Variants in GRM1 observed in about 807,000 individuals in gnomAD.
The protein encoded by GRM1 is metabotropic glutamate receptor 1.
GRM1 carries 33 observed loss-of-function variants against 90.9 expected under a neutral mutation model. The ratio of observed to expected loss-of-function variants is 0.36; its 90% CI spans 0.28 to 0.49. The LOEUF (loss-of-function observed/expected upper bound fraction) is 0.49, where lower values mean the gene tolerates loss of function less well. Ranked by LOEUF, GRM1 falls within the 20% of genes least tolerant of loss-of-function variation. GRM1 has a pLI of 0.99. For synonymous variants in GRM1, 700 were observed against 613.2 expected (o/e 1.14, Z -2.09); for missense variants, 1,190 against 1,534.3 (o/e 0.78, Z 3.75).
intron 7 of GRM1, among the ~76,000 whole-genome samples, chr6:146,432,721 GT>G (rs1778459433): frequency 6.6e-6 from 1 of 152,208 alleles, no homozygotes; most frequent in East Asian, 1.9e-4. Flanking sequence ...TTCCACCGTT[GT>G]TATTAGTAGA....
chr6:146,112,122 G>C (rs370251052), intron 1 of GRM1, among the ~76,000 whole-genome samples: 1 of 152,140 alleles, frequency 6.6e-6, no homozygotes, highest in East Asian at 1.9e-4. Context: ...TAAGCTGCCT[G>C]ATTCTGCCCA....
At chr6:146,282,898 C>T (rs1479895662) in intron 2 of GRM1, among the ~76,000 whole-genome samples, 1 of 152,184 alleles carries the variant, frequency 6.6e-6, no homozygotes, top group East Asian at 1.9e-4. Context: ...TTAACACCCT[C>T]ATTCCAGAAA....
intron 1 of GRM1, among the ~76,000 whole-genome samples, chr6:146,136,614 A>G (rs908606009): frequency 2.0e-5 from 3 of 152,108 alleles, no homozygotes; most frequent in Admixed American, 2.0e-4. Context: ...TAATTTTTTA[A>G]AAGGACTATT....
intron 7 of GRM1, among the ~76,000 whole-genome samples, chr6:146,413,104 A>T (rs770339251): frequency 6.6e-6 from 1 of 152,152 alleles, no homozygotes. Flanking sequence ...TTGCTTATTG[A>T]AAACATTTTG....
At chr6:146,404,424 G>A (rs1777264019) in intron 7 of GRM1, among the ~76,000 whole-genome samples, 1 of 152,084 alleles carries the variant, frequency 6.6e-6, no homozygotes, top group Non-Finnish European at 1.5e-5. Context: ...TGTGCTATGT[G>A]CCATAGTAGA....
intron 1 of GRM1, among the ~76,000 whole-genome samples, chr6:146,090,093 G>T (rs1429287910): frequency 6.6e-6 from 1 of 152,002 alleles, no homozygotes; most frequent in East Asian, 1.9e-4. Context: ...TTGTAAAACT[G>T]AAAATTTTTG....
intron 2 of GRM1, among the ~76,000 whole-genome samples, chr6:146,172,171 G>A (rs1177531649): frequency 1.3e-5 from 2 of 152,060 alleles, no homozygotes; most frequent in African/African-American, 4.8e-5. Flanking sequence ...AGATATTGGC[G>A]TGCCTTTTCT....
intron 3 of GRM1, among the ~76,000 whole-genome samples, chr6:146,308,165 A>G (rs1426496069): frequency 6.6e-6 from 1 of 152,186 alleles, no homozygotes; most frequent in Non-Finnish European, 1.5e-5. Context: ...TAGAAATTCC[A>G]TAGAAGCTGA....
At chr6:146,208,564 G>T (rs1313232997) in intron 2 of GRM1, among the ~76,000 whole-genome samples, 4 of 151,972 alleles carry the variant, frequency 2.6e-5, no homozygotes, top group African/African-American at 9.7e-5. Flanking sequence ...TCTGGACTCT[G>T]CCAATCTTTC....
At chr6:146,263,322 C>T (rs1781765467) in intron 2 of GRM1, among the ~76,000 whole-genome samples, 1 of 151,884 alleles carries the variant, frequency 6.6e-6, no homozygotes, top group African/African-American at 2.4e-5. Flanking sequence ...ATAACTAAAT[C>T]ACTGAATGTG....
chr6:146,188,033 A>T (rs1440101774), intron 2 of GRM1, among the ~76,000 whole-genome samples: 1 of 152,128 alleles, frequency 6.6e-6, no homozygotes, highest in East Asian at 1.9e-4. Context: ...AAGGTTCATT[A>T]TGTTTATCTC....
rs9968794 is a variant in GRM1 at position 146,048,378 on chromosome 6, A to G, written c.700+18161A>G. Among the ~76,000 whole-genome samples, 1,160 of 152,150 alleles carry G rather than the reference A, an allele frequency of 7.6e-3. 9 individuals are homozygous for G. Among genetic ancestry groups the G allele is most frequent in the African/African-American group, 0.026 (1,093 of 41,556 alleles). ...ACTGCCATAATAATGCCATCTTGGC[A>G]CAAGTGTAATACTTAAGAGTTAAAG... On this transcript the variant is annotated intron_variant, in intron 1 of 7. Transcript: ENST00000282753.
At chr6:146,204,919 C>T (rs1165549888) in intron 2 of GRM1, among the ~76,000 whole-genome samples, 1 of 152,010 alleles carries the variant, frequency 6.6e-6, no homozygotes, top group African/African-American at 2.4e-5. Flanking sequence ...AAGATATATC[C>T]TCACATTCTA....
At chr6:146,159,641 T>TCTCTCTCTCTCTCTCACACACA (rs372590505) in intron 2 of GRM1, 44 bp downstream of exon 2, 329 of 728,310 alleles carry the variant, frequency 4.5e-4, no homozygotes, top group East Asian at 2.7e-3. Context: ...TCTCTCTCTC[T>TCTCTCTCTCTCTCTCACACACA]CACACACACA....
chr6:146,190,779 G>A (rs1480014784), intron 2 of GRM1, among the ~76,000 whole-genome samples: 1 of 151,966 alleles, frequency 6.6e-6, no homozygotes, highest in Non-Finnish European at 1.5e-5. Flanking sequence ...TTGGATTACT[G>A]CCACAACCTC....
chr6:146,219,439 T>C (rs1779980697), intron 2 of GRM1, among the ~76,000 whole-genome samples: 1 of 151,910 alleles, frequency 6.6e-6, no homozygotes, highest in South Asian at 2.1e-4. Context: ...AAATAAGAGT[T>C]AGAATGGTCA....
At chr6:146,245,204 A>G (rs946662931) in intron 2 of GRM1, among the ~76,000 whole-genome samples, 8 of 152,180 alleles carry the variant, frequency 5.3e-5, no homozygotes, top group Non-Finnish European at 1.2e-4. Flanking sequence ...TAAAAAATTC[A>G]TTTGTGTTCA....
intron 1 of GRM1, among the ~76,000 whole-genome samples, chr6:146,120,488 G>C (rs1775938961): frequency 6.6e-6 from 1 of 152,120 alleles, no homozygotes; most frequent in Non-Finnish European, 1.5e-5. Flanking sequence ...AATAGGAGTG[G>C]TGAGAGAGGG....
intron 7 of GRM1, among the ~76,000 whole-genome samples, chr6:146,406,029 C>T (rs566919465): frequency 4.3e-4 from 65 of 152,084 alleles, no homozygotes; most frequent in African/African-American, 1.3e-3. Context: ...TAGGAAATTC[C>T]GACAGTATTT....
Sources: gnomAD v4.1 joint callset for allele counts (sites outside exome capture counted in the v4.1 genomes callset) on GRCh38, gnomAD v4.1.1 for gene constraint, MANE v1.5 for transcripts, NCBI Gene and HGNC (gene_info 2026-07-23, HGNC 2026-07-21) for gene names.